Variants in NFIB observed in about 807,000 individuals in gnomAD.
NFIB encodes nuclear factor 1 B-type.
A neutral mutation model predicts 61.5 loss-of-function variants in NFIB; 11 were observed. The observed-to-expected ratio is 0.18, with a 90% CI of 0.11 to 0.30. NFIB has a LOEUF of 0.30. Ranked by LOEUF, NFIB falls within the 10% of genes least tolerant of loss-of-function variation. The pLI is 1.00. For synonymous variants in NFIB, 260 were observed against 216.5 expected, an observed-to-expected ratio of 1.20 and a Z score of -1.76; for missense variants, 471 against 608.9, an observed-to-expected ratio of 0.77 and a Z score of 2.38.
At chr9:14,442,123 G>A in the NFIB span, among the ~76,000 whole-genome samples, 1 of 152,148 alleles carries the variant, frequency 6.6e-6, no homozygotes, top group Non-Finnish European at 1.5e-5. Flanking sequence ...AGAGCTGCCA[G>A]GGCTGGGACT....
intron 2 of NFIB, among the ~76,000 whole-genome samples, chr9:14,243,949 GA>G (rs1375163626): frequency 2.6e-5 from 4 of 152,166 alleles, no homozygotes; most frequent in African/African-American, 9.7e-5. Flanking sequence ...TGGTTTCATG[GA>G]AATTACCGTA....
chr9:14,248,677 C>T (rs1395592219), intron 2 of NFIB, among the ~76,000 whole-genome samples: 1 of 152,166 alleles, frequency 6.6e-6, no homozygotes, highest in Non-Finnish European at 1.5e-5. Flanking sequence ...CCTCTAGCTC[C>T]TCTCCAAGAA....
the NFIB span, among the ~76,000 whole-genome samples, chr9:14,467,741 G>C: frequency 6.6e-6 from 1 of 152,140 alleles, no homozygotes; most frequent in Admixed American, 6.5e-5. Context: ...AGGTGCTTGA[G>C]ATACATTAGG....
At chr9:14,461,265 G>A in the NFIB span, among the ~76,000 whole-genome samples, 3 of 152,274 alleles carry the variant, frequency 2.0e-5, no homozygotes, top group South Asian at 2.1e-4. Flanking sequence ...TATTGAATGA[G>A]AACATGAATG....
intron 1 of NFIB, among the ~76,000 whole-genome samples, chr9:14,351,387 C>T (rs1003087344): frequency 4.8e-5 from 7 of 146,000 alleles, no homozygotes; most frequent in African/African-American, 1.5e-4. Flanking sequence ...AACTCTCATC[C>T]TAGGGAGCTG....
the NFIB span, among the ~76,000 whole-genome samples, chr9:14,499,116 T>C: frequency 6.6e-6 from 1 of 152,026 alleles, no homozygotes; most frequent in Non-Finnish European, 1.5e-5. Context: ...AGCAGAGATC[T>C]GGAGTATTAA....
chr9:14,275,724 A>G (rs890015758), intron 2 of NFIB, among the ~76,000 whole-genome samples: 1 of 152,144 alleles, frequency 6.6e-6, no homozygotes, highest in Non-Finnish European at 1.5e-5. Context: ...GAGAAAAGAG[A>G]TGCTACATTC....
intron 1 of NFIB, among the ~76,000 whole-genome samples, chr9:14,392,308 G>T (rs1275328885): frequency 6.6e-6 from 1 of 152,212 alleles, no homozygotes; most frequent in African/African-American, 2.4e-5. Context: ...ATTGGTTTCT[G>T]AATTGTGACA....
At chr9:14,411,741 G>C in the NFIB span, among the ~76,000 whole-genome samples, 1 of 152,104 alleles carries the variant, frequency 6.6e-6, no homozygotes, top group African/African-American at 2.4e-5. Context: ...CCCCATCCTG[G>C]TATTTATGCC....
the NFIB span, among the ~76,000 whole-genome samples, chr9:14,491,863 G>A: frequency 2.6e-5 from 4 of 151,984 alleles, no homozygotes; most frequent in African/African-American, 9.7e-5. Flanking sequence ...GATGATGAAG[G>A]GATAAATATA....
intron 1 of NFIB, among the ~76,000 whole-genome samples, chr9:14,378,126 A>T (rs955125189): frequency 2.6e-5 from 4 of 152,208 alleles, no homozygotes; most frequent in African/African-American, 9.7e-5. Flanking sequence ...GCATGATCTG[A>T]TTAAGTTAAT....
intron 2 of NFIB, among the ~76,000 whole-genome samples, chr9:14,212,527 T>C (rs544331923): frequency 2.6e-5 from 4 of 152,148 alleles, no homozygotes; most frequent in East Asian, 1.9e-4. Context: ...ATCCAAAATA[T>C]AGATTTGGGA....
chr9:14,471,675 T>C, the NFIB span, among the ~76,000 whole-genome samples: 1 of 152,198 alleles, frequency 6.6e-6, no homozygotes, highest in Non-Finnish European at 1.5e-5. Context: ...GTTCCACTTT[T>C]TGCCACGTAA....
At chr9:14,098,372 C>G (rs1238274207) in intron 10 of NFIB, among the ~76,000 whole-genome samples, 1 of 152,174 alleles carries the variant, frequency 6.6e-6, no homozygotes. Flanking sequence ...AATTCAGTTT[C>G]TCTTTTGCAT....
intron 2 of NFIB, among the ~76,000 whole-genome samples, chr9:14,188,257 T>C (rs2047591155): frequency 6.6e-6 from 1 of 152,222 alleles, no homozygotes; most frequent in Non-Finnish European, 1.5e-5. Context: ...GACTCAATCC[T>C]TGCTTAGTTT....
At chr9:14,456,193 G>A in the NFIB span, among the ~76,000 whole-genome samples, 6 of 143,436 alleles carry the variant, frequency 4.2e-5, no homozygotes, top group African/African-American at 1.3e-4. Context: ...AAAAGTACCT[G>A]GAGTAACTAC....
chr9:14,099,661 C>T (rs1367491195), intron 10 of NFIB, among the ~76,000 whole-genome samples: 1 of 152,186 alleles, frequency 6.6e-6, no homozygotes, highest in Non-Finnish European at 1.5e-5. Flanking sequence ...ATTGGATTCA[C>T]CACAGCATTT....
At chr9:14,289,604 T>C (rs1349670611) in intron 2 of NFIB, among the ~76,000 whole-genome samples, 1 of 151,716 alleles carries the variant, frequency 6.6e-6, no homozygotes, top group Non-Finnish European at 1.5e-5. Flanking sequence ...TGCACATACA[T>C]ATACATACAT....
In NFIB at chr9:14,111,180, T is replaced by C. The variant is rs138289675; in HGVS notation, c.1467+1819A>G. Among the ~76,000 whole-genome samples the C allele has an allele frequency of 1.1e-3, 174 of 152,282 alleles. 1 individual carries two copies. Among genetic ancestry groups the C allele is most frequent in the African/African-American group, 4.1e-3 (170 of 41,562 alleles). Reference sequence around the variant, plus strand: ...AAATATATCATGTGCCAGAATGCTATCTACATTAAAATTCATATTTTCATG... The same window carrying C: ...AAATATATCATGTGCCAGAATGCTACCTACATTAAAATTCATATTTTCATG... On this transcript the variant is annotated intron_variant, in intron 10 of 10. Transcript: ENST00000380953.
Sources: allele counts gnomAD v4.1 joint callset (sites outside exome capture counted in the v4.1 genomes callset), GRCh38; gene constraint gnomAD v4.1.1; transcripts MANE v1.5; gene names NCBI Gene and HGNC (gene_info 2026-07-23, HGNC 2026-07-21).